Variants in CSMD1 observed in about 807,000 individuals in gnomAD.
The protein encoded by CSMD1 is CUB and sushi domain-containing protein 1.
Under a neutral mutation model 417.5 loss-of-function variants are expected in CSMD1, and 213 were observed. That is an observed-to-expected ratio of 0.51 (90% CI 0.46 to 0.57). CSMD1 has a LOEUF of 0.57. Ranked by LOEUF, CSMD1 falls within the 20% of genes least tolerant of loss-of-function variation. CSMD1 has a pLI of 0.00. For synonymous variants in CSMD1, 2,862 were observed against 1,736.8 expected (o/e 1.65, Z -16.11); for missense variants, 6,923 against 4,529.7 (o/e 1.53, Z -15.17).
At chr8:4,813,387 C>T (rs1799017367) in intron 1 of CSMD1, among the ~76,000 whole-genome samples, 1 of 152,036 alleles carries the variant, frequency 6.6e-6, no homozygotes, top group Admixed American at 6.5e-5. Context: ...CCACCAAGCC[C>T]ATCTTAAAAC....
chr8:3,451,779 G>C, intron 12 of CSMD1, among the ~76,000 whole-genome samples: 1 of 152,144 alleles, frequency 6.6e-6, no homozygotes, highest in East Asian at 1.9e-4. Flanking sequence ...TTTTGGCTTA[G>C]GATTGACTTG....
chr8:3,657,432 C>G (rs1325641549), intron 7 of CSMD1, among the ~76,000 whole-genome samples: 3 of 152,072 alleles, frequency 2.0e-5, no homozygotes, highest in African/African-American at 7.2e-5. Context: ...AAGAAAATGA[C>G]TTGGAACCAA....
At chr8:4,264,966 T>C (rs1289295179) in intron 3 of CSMD1, among the ~76,000 whole-genome samples, 4 of 152,182 alleles carry the variant, frequency 2.6e-5, no homozygotes, top group Non-Finnish European at 4.4e-5. Flanking sequence ...GGATAAAATA[T>C]GCAGCTGAAT....
intron 2 of CSMD1, among the ~76,000 whole-genome samples, chr8:4,523,489 G>T (rs1233623764): frequency 6.6e-6 from 1 of 152,076 alleles, no homozygotes. Flanking sequence ...ATGATAAGAG[G>T]AGTGTAGGAT....
chr8:4,452,465 C>A (rs1234171442), intron 2 of CSMD1, among the ~76,000 whole-genome samples: 1 of 152,172 alleles, frequency 6.6e-6, no homozygotes, highest in African/African-American at 2.4e-5. Flanking sequence ...AGGCATTACC[C>A]ACTCATATTT....
chr8:4,735,685 T>C (rs1256493212), intron 1 of CSMD1, among the ~76,000 whole-genome samples: 2 of 152,174 alleles, frequency 1.3e-5, no homozygotes, highest in Admixed American at 1.3e-4. Flanking sequence ...GACACTTATT[T>C]GAACACTTGA....
chr8:3,665,861 G>T (rs2117485482), intron 7 of CSMD1, among the ~76,000 whole-genome samples: 2 of 152,178 alleles, frequency 1.3e-5, no homozygotes, highest in African/African-American at 4.8e-5. Context: ...TGACCTCAGT[G>T]TTGGTTTGCT....
intron 50 of CSMD1, among the ~76,000 whole-genome samples, chr8:3,035,881 A>T (rs1474596639): frequency 6.6e-6 from 1 of 152,208 alleles, no homozygotes; most frequent in Admixed American, 6.5e-5. Flanking sequence ...TATTACCTTA[A>T]AGAAAACAAC....
chr8:3,739,501 T>C (rs1290813520), intron 6 of CSMD1, among the ~76,000 whole-genome samples: 1 of 152,122 alleles, frequency 6.6e-6, no homozygotes, highest in Non-Finnish European at 1.5e-5. Flanking sequence ...TCAAAATATC[T>C]CTCTGTATTC....
At chr8:4,407,805 T>C (rs1013636394) in intron 3 of CSMD1, among the ~76,000 whole-genome samples, 7 of 152,200 alleles carry the variant, frequency 4.6e-5, no homozygotes, top group Non-Finnish European at 8.8e-5. Flanking sequence ...TATTGTGGCA[T>C]ATGAGAAGGT....
chr8:3,367,443 G>A (rs1809669592), intron 19 of CSMD1, among the ~76,000 whole-genome samples, 196 bp from the exon 20 acceptor site: 1 of 151,762 alleles, frequency 6.6e-6, no homozygotes, highest in South Asian at 2.1e-4. Context: ...AGATGAGACA[G>A]AGATGGAGAG....
chr8:3,789,997 C>T (rs922511625), intron 5 of CSMD1, among the ~76,000 whole-genome samples: 1 of 152,146 alleles, frequency 6.6e-6, no homozygotes, highest in Admixed American at 6.5e-5. Context: ...TCCCAAAGTG[C>T]TGGGATTACA....
intron 3 of CSMD1, among the ~76,000 whole-genome samples, chr8:4,249,466 T>C (rs758158125): frequency 6.6e-6 from 1 of 152,232 alleles, no homozygotes. Flanking sequence ...CAGTGCGTGA[T>C]GTAAACAGGG....
At chr8:3,814,793 C>T (rs538467894) in intron 5 of CSMD1, among the ~76,000 whole-genome samples, 3 of 152,268 alleles carry the variant, frequency 2.0e-5, no homozygotes, top group East Asian at 1.9e-4. Flanking sequence ...TCTATTTATT[C>T]GTCACGGTGT....
chr8:3,075,566 C>A (rs35881847), intron 49 of CSMD1, among the ~76,000 whole-genome samples: 33 of 152,124 alleles, frequency 2.2e-4, no homozygotes, highest in Middle Eastern at 3.4e-3. Context: ...CAGGCATGGA[C>A]CACCATGCCA....
chr8:3,958,121 A>G (rs1812089747), intron 5 of CSMD1, among the ~76,000 whole-genome samples: 2 of 152,314 alleles, frequency 1.3e-5, no homozygotes, highest in Middle Eastern at 3.4e-3. Context: ...CAACATGTTA[A>G]TGAAGCTGCC....
chr8:4,455,304 T>G (rs1254736366), intron 2 of CSMD1, among the ~76,000 whole-genome samples: 2 of 152,172 alleles, frequency 1.3e-5, no homozygotes, highest in African/African-American at 4.8e-5. Context: ...CTTGCATCCA[T>G]TAGCAAAGAA....
chr8:4,628,888 G>C (rs995322146), intron 2 of CSMD1, among the ~76,000 whole-genome samples: 1 of 151,994 alleles, frequency 6.6e-6, no homozygotes. Context: ...GTTTTTACAC[G>C]CCTTTTATTA....
chr8:4,355,199 T>C (rs1008859889), intron 3 of CSMD1, among the ~76,000 whole-genome samples: 3 of 151,790 alleles, frequency 2.0e-5, no homozygotes, highest in East Asian at 1.9e-4. Flanking sequence ...GAGGCGGAGC[T>C]TGCAATGATC....
Sources: allele counts gnomAD v4.1 joint callset (sites outside exome capture counted in the v4.1 genomes callset), GRCh38; gene constraint gnomAD v4.1.1; transcripts MANE v1.5; gene names NCBI Gene and HGNC (gene_info 2026-07-23, HGNC 2026-07-21).